Variants in KALRN observed in about 807,000 individuals in gnomAD.
The protein encoded by KALRN is kalirin RhoGEF kinase.
Under a neutral mutation model 353.7 loss-of-function variants are expected in KALRN, and 70 were observed. That is an observed-to-expected ratio of 0.20 (90% CI 0.16 to 0.24). The LOEUF (loss-of-function observed/expected upper bound fraction) is 0.24, where lower values mean the gene tolerates loss of function less well. KALRN is among the 10% of genes least tolerant of loss of function. The pLI is 1.00. For synonymous variants in KALRN, 1,391 were observed against 1,434.8 expected, an observed-to-expected ratio of 0.97 and a Z score of 0.69; for missense variants, 2,791 against 3,756.7, an observed-to-expected ratio of 0.74 and a Z score of 6.72.
intron 33 of KALRN, among the ~76,000 whole-genome samples, chr3:124,542,284 T>C (rs1032650923): frequency 1.3e-5 from 2 of 152,168 alleles, no homozygotes; most frequent in Admixed American, 1.3e-4. Context: ...GTGGTTCAGT[T>C]TTCAGCTCTG....
chr3:124,490,653 C>A, intron 29 of KALRN, 41 bp from the exon 30 acceptor site: 1 of 1,577,980 alleles, frequency 6.3e-7, no homozygotes, highest in Non-Finnish European at 8.7e-7. Context: ...CTGACTGTGG[C>A]AGTAGAGAAA....
intron 1 of KALRN, among the ~76,000 whole-genome samples, chr3:124,067,455 T>A (rs2042463978): frequency 6.6e-6 from 1 of 152,046 alleles, no homozygotes; most frequent in South Asian, 2.1e-4. Flanking sequence ...TCAGATCACA[T>A]GGTTTATTAA....
chr3:124,398,979 C>A, intron 13 of KALRN, 108 bp downstream of exon 13: 2 of 1,189,100 alleles, frequency 1.7e-6, no homozygotes, highest in Non-Finnish European at 1.2e-6. Context: ...GAGCATCCAG[C>A]ATGCATTTTT....
intron 27 of KALRN, among the ~76,000 whole-genome samples, chr3:124,478,146 A>G (rs775511422): frequency 1.2e-4 from 19 of 152,238 alleles, no homozygotes; most frequent in Non-Finnish European, 2.6e-4. Context: ...AATAAGAGGG[A>G]AAGATGAAAT....
intron 37 of KALRN, among the ~76,000 whole-genome samples, chr3:124,648,658 A>G (rs906806725): frequency 1.3e-5 from 2 of 152,236 alleles, no homozygotes; most frequent in Non-Finnish European, 2.9e-5. Context: ...TGCAGTCACC[A>G]TGCTACCACT....
chr3:124,155,597 CAA>C (rs1170051565), intron 1 of KALRN, among the ~76,000 whole-genome samples: 1 of 152,182 alleles, frequency 6.6e-6, no homozygotes, highest in Non-Finnish European at 1.5e-5. Context: ...AGACAGTTCA[CAA>C]ACAAGACAGT....
chr3:124,414,349 C>T (rs2092376671), intron 14 of KALRN, among the ~76,000 whole-genome samples: 1 of 152,188 alleles, frequency 6.6e-6, no homozygotes, highest in South Asian at 2.1e-4. Flanking sequence ...CCGATCCCTG[C>T]TGCCAGCACG....
At chr3:124,472,748 G>T (rs1164449643) in intron 25 of KALRN, among the ~76,000 whole-genome samples, 1 of 151,846 alleles carries the variant, frequency 6.6e-6, no homozygotes, top group Non-Finnish European at 1.5e-5. Flanking sequence ...GCACTTTAAT[G>T]GTCATATAAA....
intron 36 of KALRN, among the ~76,000 whole-genome samples, chr3:124,635,924 AATACTACTAC>A (rs1282014355): frequency 6.6e-6 from 1 of 152,116 alleles, no homozygotes; most frequent in Non-Finnish European, 1.5e-5. Context: ...TACTATGGCT[AATACTACTAC>A]ATACAGATCA....
intron 45 of KALRN, among the ~76,000 whole-genome samples, chr3:124,662,402 G>A (rs1326101086): frequency 6.6e-6 from 1 of 151,718 alleles, no homozygotes; most frequent in Non-Finnish European, 1.5e-5. Context: ...TAAAGATGGG[G>A]TTTTGCCATG....
chr3:124,358,125 G>A (rs1412150941), intron 10 of KALRN, among the ~76,000 whole-genome samples: 1 of 152,272 alleles, frequency 6.6e-6, no homozygotes, highest in East Asian at 1.9e-4. Context: ...TTTAGAGGAA[G>A]CATCTTTTGA....
chr3:124,420,561 T>G (rs1443115997), intron 14 of KALRN, among the ~76,000 whole-genome samples: 1 of 152,128 alleles, frequency 6.6e-6, no homozygotes, highest in African/African-American at 2.4e-5. Flanking sequence ...CTCATCCCCT[T>G]GGTAATTGAA....
intron 13 of KALRN, among the ~76,000 whole-genome samples, chr3:124,408,625 C>G (rs1576671083): frequency 2.0e-5 from 3 of 152,168 alleles, no homozygotes; most frequent in Non-Finnish European, 2.9e-5. Context: ...TTGCCAACAT[C>G]TAAACACTGA....
intron 3 of KALRN, among the ~76,000 whole-genome samples, chr3:124,249,980 G>T (rs944368390): frequency 1.3e-5 from 2 of 152,146 alleles, no homozygotes; most frequent in South Asian, 4.1e-4. Context: ...GGGAAGGCAG[G>T]CTAGCTAGAG....
At chr3:124,181,586 G>A (rs534954297) in intron 1 of KALRN, among the ~76,000 whole-genome samples, 6 of 152,192 alleles carry the variant, frequency 3.9e-5, no homozygotes, top group Admixed American at 1.3e-4. Context: ...GTAAATCCCT[G>A]GCACCAATCT....
At chr3:124,590,038 T>G (rs559745807) in intron 34 of KALRN, among the ~76,000 whole-genome samples, 2 of 152,274 alleles carry the variant, frequency 1.3e-5, no homozygotes, top group South Asian at 4.2e-4. Context: ...TTTTTTTAAA[T>G]TAAATGTCTC....
intron 3 of KALRN, among the ~76,000 whole-genome samples, chr3:124,262,449 T>C (rs1440914740): frequency 6.6e-6 from 1 of 152,182 alleles, no homozygotes; most frequent in Non-Finnish European, 1.5e-5. Context: ...GGAGAAAAAG[T>C]CACATTGCTT....
intron 25 of KALRN, 82 bp downstream of exon 25, chr3:124,462,715 C>T (rs2059969874): frequency 6.6e-6 from 5 of 759,894 alleles, no homozygotes; most frequent in East Asian, 2.6e-5. Flanking sequence ...GGATCAAAGG[C>T]GATTGGTGAA....
chr3:124,218,661 G>A (rs2077578170), intron 1 of KALRN, among the ~76,000 whole-genome samples: 1 of 152,172 alleles, frequency 6.6e-6, no homozygotes, highest in Admixed American at 6.5e-5. Flanking sequence ...TTCTGAAGTG[G>A]CCATTTTCTT....
Sources: gnomAD v4.1 joint callset for allele counts (sites outside exome capture counted in the v4.1 genomes callset) on GRCh38, gnomAD v4.1.1 for gene constraint, MANE v1.5 for transcripts, NCBI Gene and HGNC (gene_info 2026-07-23, HGNC 2026-07-21) for gene names.